The following RSPO2 variants were observed in gnomAD, a reference collection of about 807,000 sequenced individuals.
RSPO2 encodes the protein R-spondin 2.
RSPO2 carries 14 observed loss-of-function variants against 30.9 expected under a neutral mutation model. The observed-to-expected ratio is 0.45, with a 90% CI of 0.30 to 0.71. The LOEUF is 0.71. Ranked by LOEUF, RSPO2 falls within the 30% of genes least tolerant of loss-of-function variation. The probability of loss-of-function intolerance (pLI) is 0.08; values close to 1 mark genes in which losing one functional copy is unlikely to be tolerated. For synonymous variants in RSPO2, 107 were observed against 96.4 expected, an observed-to-expected ratio of 1.11 and a Z score of -0.64; for missense variants, 264 against 301.9, an observed-to-expected ratio of 0.87 and a Z score of 0.93.
rs114411974 is a variant in RSPO2, at chr8:108,026,559, T to G, written c.95-37315A>C. On this transcript the variant is annotated intron_variant, in intron 2 of 5. Coordinates refer to ENST00000276659, the MANE Select transcript of RSPO2 (RefSeq NM_178565.5). ...ATAGAGAAATATATAATATAGCAAG[T>G]ATGAAGTATAGTAAAATACTAACAA... Among the ~76,000 whole-genome samples, 824 of 152,176 alleles carry G rather than the reference T, an allele frequency of 5.4e-3. 9 individuals carry two copies. Among genetic ancestry groups the G allele is most frequent in the African/African-American group, 0.018 (747 of 41,524 alleles).
At chr8:108,024,734 G>A (rs1811153375) in intron 2 of RSPO2, among the ~76,000 whole-genome samples, 1 of 152,110 alleles carries the variant, frequency 6.6e-6, no homozygotes, top group East Asian at 1.9e-4. Context: ...ACACAACAAG[G>A]ATAGGCTGGG....
At chr8:108,070,644 A>G (rs1253592671) in intron 2 of RSPO2, among the ~76,000 whole-genome samples, 1 of 152,138 alleles carries the variant, frequency 6.6e-6, no homozygotes, top group African/African-American at 2.4e-5. Context: ...AGCTGTCAAC[A>G]AGACTTTATA....
intron 3 of RSPO2, among the ~76,000 whole-genome samples, chr8:107,982,181 A>G (rs1814466045): frequency 6.6e-6 from 1 of 152,186 alleles, no homozygotes. Context: ...CTAAAATTAT[A>G]AAATATCTCA....
At chr8:108,019,148 T>A (rs1177598757) in intron 2 of RSPO2, among the ~76,000 whole-genome samples, 3 of 152,050 alleles carry the variant, frequency 2.0e-5, no homozygotes, top group Admixed American at 6.6e-5. Flanking sequence ...CTTATTTTTT[T>A]AAAAAAACAC....
At chr8:108,020,865 C>A (rs1051039233) in intron 2 of RSPO2, among the ~76,000 whole-genome samples, 2 of 152,102 alleles carry the variant, frequency 1.3e-5, no homozygotes, top group African/African-American at 4.8e-5. Flanking sequence ...TATAAAATTA[C>A]CTAGCTATAT....
chr8:108,004,397 C>T (rs2130569021), intron 2 of RSPO2, among the ~76,000 whole-genome samples: 1 of 152,288 alleles, frequency 6.6e-6, no homozygotes, highest in South Asian at 2.1e-4. Context: ...ATAGATCCTG[C>T]CCTGGCTAAG....
At chr8:108,007,417 T>G (rs1215029254) in intron 2 of RSPO2, among the ~76,000 whole-genome samples, 1 of 152,148 alleles carries the variant, frequency 6.6e-6, no homozygotes, top group Non-Finnish European at 1.5e-5. Flanking sequence ...TAATCACAAA[T>G]GAGAAAAGTT....
intron 2 of RSPO2, among the ~76,000 whole-genome samples, chr8:108,007,945 C>T (rs1012668848): frequency 1.3e-5 from 2 of 151,698 alleles, no homozygotes; most frequent in Admixed American, 6.6e-5. Flanking sequence ...TTTGAGACCC[C>T]GTATCTATGA....
intron 3 of RSPO2, among the ~76,000 whole-genome samples, chr8:107,968,623 G>A (rs1299269479): frequency 6.6e-6 from 1 of 151,978 alleles, no homozygotes; most frequent in Admixed American, 6.6e-5. Context: ...TGTTTGAGGT[G>A]ACGGATATCC....
intron 2 of RSPO2, among the ~76,000 whole-genome samples, chr8:108,077,845 C>T (rs1813061385): frequency 6.6e-6 from 1 of 152,106 alleles, no homozygotes; most frequent in Non-Finnish European, 1.5e-5. Flanking sequence ...ATCTTAAATA[C>T]AGAAATTTTA....
intron 2 of RSPO2, among the ~76,000 whole-genome samples, chr8:108,001,271 C>A (rs1420678109): frequency 6.6e-6 from 1 of 152,082 alleles, no homozygotes; most frequent in African/African-American, 2.4e-5. Flanking sequence ...AGACAAAACA[C>A]AAGAAAAAAG....
intron 5 of RSPO2, among the ~76,000 whole-genome samples, chr8:107,954,019 C>G (rs1813334937): frequency 6.6e-6 from 1 of 152,164 alleles, no homozygotes; most frequent in Non-Finnish European, 1.5e-5. Flanking sequence ...TCTCTAAGGA[C>G]TCTTTGAGCA....
chr8:107,975,899 T>C (rs1025836793), intron 3 of RSPO2, among the ~76,000 whole-genome samples: 6 of 152,232 alleles, frequency 3.9e-5, no homozygotes, highest in African/African-American at 1.4e-4. Flanking sequence ...ATTTGGCATG[T>C]AATAGTATCC....
At chr8:108,081,501 G>A (rs1813194329) in intron 2 of RSPO2, among the ~76,000 whole-genome samples, 1 of 152,224 alleles carries the variant, frequency 6.6e-6, no homozygotes, top group Non-Finnish European at 1.5e-5. Flanking sequence ...AGGTCCCTGG[G>A]AAGGGGCTGC....
chr8:107,992,057 T>C (rs1187805463), intron 2 of RSPO2, among the ~76,000 whole-genome samples: 2 of 152,032 alleles, frequency 1.3e-5, no homozygotes, highest in African/African-American at 4.8e-5. Flanking sequence ...GGAATATAAA[T>C]CCTTCTATTA....
intron 2 of RSPO2, among the ~76,000 whole-genome samples, chr8:108,017,770 A>ATT (rs1810940680): frequency 6.6e-6 from 1 of 152,194 alleles, no homozygotes; most frequent in Non-Finnish European, 1.5e-5. Context: ...GTAATGAACG[A>ATT]TTTGTCAATC....
At chr8:107,982,566 T>G (rs1167604118) in intron 3 of RSPO2, among the ~76,000 whole-genome samples, 2 of 152,194 alleles carry the variant, frequency 1.3e-5, no homozygotes, top group Non-Finnish European at 2.9e-5. Flanking sequence ...TCCCCATCTG[T>G]GTGAGCCTTC....
At chr8:108,009,240 AAATTTCATGTG>A (rs1810616170) in intron 2 of RSPO2, among the ~76,000 whole-genome samples, 1 of 152,202 alleles carries the variant, frequency 6.6e-6, no homozygotes, top group Admixed American at 6.5e-5. Flanking sequence ...AATTTCATAG[AAATTTCATGTG>A]AATTTCATAA....
At chr8:108,031,668 C>T (rs1444223668) in intron 2 of RSPO2, among the ~76,000 whole-genome samples, 1 of 152,072 alleles carries the variant, frequency 6.6e-6, no homozygotes, top group Non-Finnish European at 1.5e-5. Context: ...TGTTTACTGA[C>T]ACTGGGAATG....
Sources: allele counts gnomAD v4.1 joint callset (sites outside exome capture counted in the v4.1 genomes callset), GRCh38; gene constraint gnomAD v4.1.1; transcripts MANE v1.5; gene names NCBI Gene and HGNC (gene_info 2026-07-23, HGNC 2026-07-21).